The following XKR4 variants were observed in gnomAD, a reference collection of about 807,000 sequenced individuals.
The protein encoded by XKR4 is XK related 4.
A neutral mutation model predicts 53.9 loss-of-function variants in XKR4; 12 were observed. That is an observed-to-expected ratio of 0.22 (90% confidence interval 0.14 to 0.36). XKR4 has a LOEUF of 0.36. Among genes scored for constraint, XKR4 ranks in the 10% least tolerant of loss-of-function variants. The pLI is 1.00. For missense variants in XKR4, 799 were observed against 859.5 expected (o/e 0.93, Z 0.88); for synonymous variants, 354 against 362.4 (o/e 0.98, Z 0.26).
At chr8:55,105,944 C>T (rs1369979836) in intron 1 of XKR4, among the ~76,000 whole-genome samples, 1 of 152,158 alleles carries the variant, frequency 6.6e-6, no homozygotes, top group Non-Finnish European at 1.5e-5. Context: ...CAACTCATCT[C>T]AGATTTTTCT....
At chr8:55,300,594 G>A (rs566721879) in intron 1 of XKR4, among the ~76,000 whole-genome samples, 4 of 152,226 alleles carry the variant, frequency 2.6e-5, no homozygotes, top group Admixed American at 1.3e-4. Flanking sequence ...TGGGCACTGA[G>A]GCTGCAGTGG....
At chr8:55,449,731 G>T (rs1805401660) in intron 2 of XKR4, 1 of 940,006 alleles carries the variant, frequency 1.1e-6, no homozygotes, top group Non-Finnish European at 1.8e-6. Context: ...CCACACGGTG[G>T]TCGTAGTAGC....
rs1229147009 is a variant in XKR4 at position 55,541,341 on chromosome 8, T to C, written c.*17114T>C. On this transcript the variant is annotated 3_prime_UTR_variant, in exon 3 of 3. Transcript: ENST00000327381. Reference sequence around the variant, plus strand: ...CACTCAACATCAAGATAAGCTGCTCTATATTTGCTTAATTTGCCTTAAACA... The same window carrying C: ...CACTCAACATCAAGATAAGCTGCTCCATATTTGCTTAATTTGCCTTAAACA... 1 of 152,224 alleles carries C rather than the reference T, an allele frequency of 6.6e-6. No homozygotes were observed. The highest frequency in any genetic ancestry group is 1.5e-5 in the Non-Finnish European group (1 of 68,034). The allele number at this position is 152,224 out of a possible 1,614,324, so 9.4% of individuals were successfully genotyped here. A position where few individuals can be genotyped will look rare whatever the true frequency, so the allele number is the denominator to read the frequency against.
At chr8:55,434,170 T>C (rs1434905103) in intron 2 of XKR4, among the ~76,000 whole-genome samples, 2 of 152,232 alleles carry the variant, frequency 1.3e-5, no homozygotes, top group East Asian at 1.9e-4. Context: ...CACCTATATA[T>C]ACATTAGAGA....
intron 1 of XKR4, among the ~76,000 whole-genome samples, chr8:55,242,922 G>A (rs11779482): frequency 0.83 from 126,767 of 152,192 alleles, 53,792 homozygotes; most frequent in Non-Finnish European, 0.93. Context: ...TCTGAGTCGT[G>A]TAAACTATGA....
At chr8:55,145,941 T>C (rs1282846558) in intron 1 of XKR4, among the ~76,000 whole-genome samples, 5 of 152,354 alleles carry the variant, frequency 3.3e-5, no homozygotes, top group Admixed American at 3.3e-4. Flanking sequence ...CTCATTTTGA[T>C]TTGGAAAAAA....
At chr8:55,375,532 A>G (rs1011932755) in intron 2 of XKR4, among the ~76,000 whole-genome samples, 1 of 152,074 alleles carries the variant, frequency 6.6e-6, no homozygotes, top group Admixed American at 6.5e-5. Context: ...AGCTGACTGC[A>G]CCTGCTGGCT....
chr8:55,417,717 G>T (rs1804870316), intron 2 of XKR4, among the ~76,000 whole-genome samples: 1 of 152,170 alleles, frequency 6.6e-6, no homozygotes, highest in Non-Finnish European at 1.5e-5. Flanking sequence ...CTGTTCAGAG[G>T]TATCATCATT....
chr8:55,242,441 C>A (rs1216956181), intron 1 of XKR4, among the ~76,000 whole-genome samples: 12 of 152,084 alleles, frequency 7.9e-5, no homozygotes. Context: ...ATTTGGATCA[C>A]CTGTGACAAA....
At position 55,539,158 on chromosome 8, in the gene XKR4, T is replaced by C. The variant is rs1585624591; in HGVS notation, c.*14931T>C. On this transcript the variant is annotated 3_prime_UTR_variant, in exon 3 of 3. Coordinates refer to ENST00000327381, the MANE Select transcript of XKR4 (RefSeq NM_052898.2). ...CTAATGTGAAATAACATCATTTTGGTTTATAAATATTTGTAATTTTTGAGA... is the reference window on the plus strand; with the variant it reads ...CTAATGTGAAATAACATCATTTTGGCTTATAAATATTTGTAATTTTTGAGA... The C allele has an allele frequency of 6.6e-6, 1 of 152,220 alleles. No homozygotes were observed. Among genetic ancestry groups the C allele is most frequent in the South Asian group, 2.1e-4 (1 of 4,834 alleles). 9.4% of individuals were successfully genotyped at this position (152,220 alleles called of 1,614,324 possible). A position where few individuals can be genotyped will look rare whatever the true frequency, so the allele number is the denominator to read the frequency against.
Position 55,313,906 on chromosome 8 carries a change from G to T in XKR4, c.807-43772G>T, listed in dbSNP as rs566646010. Among the ~76,000 whole-genome samples the T allele has an allele frequency of 4.6e-5, 7 of 152,270 alleles. No individual in the cohort carries two copies. The East Asian group carries it at 9.7e-4, about 21-fold the overall frequency. Reference sequence around the variant, plus strand: ...TTTCTGCAGAGTTATGAGTGTTTCTGACCTAGTCATTTAAACCCTGGACAC... The same window carrying T: ...TTTCTGCAGAGTTATGAGTGTTTCTTACCTAGTCATTTAAACCCTGGACAC... On this transcript the variant is annotated intron_variant, in intron 1 of 2. Transcript: ENST00000327381.
chr8:55,408,468 C>CATCTTGAGATATGTGA (rs1804722959), intron 2 of XKR4, among the ~76,000 whole-genome samples: 1 of 152,132 alleles, frequency 6.6e-6, no homozygotes, highest in African/African-American at 2.4e-5. Context: ...CCCAGGGAAC[C>CATCTTGAGATATGTGA]GCAGCAGGAT....
chr8:55,309,245 C>T (rs1402684947), intron 1 of XKR4, among the ~76,000 whole-genome samples: 1 of 152,128 alleles, frequency 6.6e-6, no homozygotes, highest in African/African-American at 2.4e-5. Flanking sequence ...GAAAAAGCAC[C>T]AACACTCACA....
chr8:55,216,399 T>G (rs1327062777), intron 1 of XKR4, among the ~76,000 whole-genome samples: 1 of 152,132 alleles, frequency 6.6e-6, no homozygotes, highest in African/African-American at 2.4e-5. Context: ...TTTATGAACT[T>G]AGGGTAGAGA....
intron 1 of XKR4, among the ~76,000 whole-genome samples, chr8:55,351,932 T>C (rs193146036): frequency 3.2e-4 from 49 of 152,356 alleles, no homozygotes; most frequent in Non-Finnish European, 6.5e-4. Flanking sequence ...AAATATTGCA[T>C]GTGTTCAATA....
At chr8:55,495,440 AGCTGT>A (rs1267479330) in intron 2 of XKR4, among the ~76,000 whole-genome samples, 1 of 152,118 alleles carries the variant, frequency 6.6e-6, no homozygotes, top group Non-Finnish European at 1.5e-5. Flanking sequence ...ATGAACCCCC[AGCTGT>A]GCTTCCTCAC....
chr8:55,481,830 T>G (rs1388411039), intron 2 of XKR4, among the ~76,000 whole-genome samples: 4 of 151,864 alleles, frequency 2.6e-5, no homozygotes, highest in Non-Finnish European at 5.9e-5. Context: ...GAAATTCAAA[T>G]CAAAACCACA....
intron 1 of XKR4, among the ~76,000 whole-genome samples, chr8:55,245,914 G>A (rs1818278771): frequency 6.6e-6 from 1 of 152,128 alleles, no homozygotes; most frequent in Non-Finnish European, 1.5e-5. Context: ...GGGCAACATG[G>A]CAAAACCCTG....
intron 1 of XKR4, among the ~76,000 whole-genome samples, chr8:55,220,726 T>C (rs2129365304): frequency 6.6e-6 from 1 of 152,318 alleles, no homozygotes; most frequent in Non-Finnish European, 1.5e-5. Flanking sequence ...GTCTCCTTTT[T>C]CCCCAGAAGC....
Sources: allele counts gnomAD v4.1 joint callset (sites outside exome capture counted in the v4.1 genomes callset), GRCh38; gene constraint gnomAD v4.1.1; transcripts MANE v1.5; gene names NCBI Gene and HGNC (gene_info 2026-07-23, HGNC 2026-07-21).